Variants in CDH4 observed in about 807,000 individuals in gnomAD.
CDH4 encodes cadherin 4, also known as cadherin-4.
A neutral mutation model predicts 86.0 loss-of-function variants in CDH4; 33 were observed. That is an observed-to-expected ratio of 0.38 (90% CI 0.29 to 0.51). The LOEUF (loss-of-function observed/expected upper bound fraction) is 0.51. Ranked by LOEUF, CDH4 falls within the 20% of genes least tolerant of loss-of-function variation. CDH4 has a pLI of 0.86. For missense variants in CDH4, 1,114 were observed against 1,307.4 expected, an observed-to-expected ratio of 0.85 and a Z score of 2.28; for synonymous variants, 555 against 549.4, an observed-to-expected ratio of 1.01 and a Z score of -0.14.
At chr20:61,725,092 A>G (rs746783712) in intron 2 of CDH4, among the ~76,000 whole-genome samples, 8 of 152,198 alleles carry the variant, frequency 5.3e-5, no homozygotes, top group Non-Finnish European at 1.0e-4. Flanking sequence ...AGCCTGGGCG[A>G]CAGAGTGAGA....
chr20:61,811,095 G>A lies in CDH4; in HGVS notation c.577-33573G>A, dbSNP rs569176863. On this transcript the variant is annotated intron_variant, in intron 4 of 15. Transcript: ENST00000614565. This position sits in a 1 kb window ranked among gnomAD's most constrained non-coding sequence, Gnocchi z 4.4. ...GCCGCGCCACATCCTCAGCAGCCCC[G>A]CCACCGCCTGTCACACCTGCTGCTC... 9.9e-4 allele frequency among the ~76,000 whole-genome samples: 150 copies of A among 152,202 alleles called. No individual in the cohort carries two copies. The highest frequency in any genetic ancestry group is 3.5e-3 in the African/African-American group (146 of 41,540).
chr20:61,559,512 T>A (rs1243675164), intron 2 of CDH4, among the ~76,000 whole-genome samples: 1 of 132,202 alleles, frequency 7.6e-6, no homozygotes, highest in Non-Finnish European at 1.5e-5. Context: ...CTTTTTAATT[T>A]TTTTTTCTTT....
intron 2 of CDH4, among the ~76,000 whole-genome samples, chr20:61,255,886 C>T (rs1017930598): frequency 1.3e-5 from 2 of 152,120 alleles, no homozygotes; most frequent in Non-Finnish European, 2.9e-5. Flanking sequence ...TGTTGACGTG[C>T]CTTGTTGATT....
At chr20:61,841,699 G>GA (rs1555846676) in intron 4 of CDH4, among the ~76,000 whole-genome samples, 1 of 60,554 alleles carries the variant, frequency 1.7e-5, no homozygotes, top group Non-Finnish European at 7.6e-5. Flanking sequence ...GGTGCATTGC[G>GA]GGGGGGAACA....
chr20:61,555,629 A>T (rs1236784403), intron 2 of CDH4, among the ~76,000 whole-genome samples: 1 of 152,220 alleles, frequency 6.6e-6, no homozygotes, highest in Non-Finnish European at 1.5e-5. Flanking sequence ...GATGTGATGA[A>T]TCACAAAATC....
At chr20:61,659,137 A>AACACCCAAG (rs1051810768) in intron 2 of CDH4, among the ~76,000 whole-genome samples, 3 of 152,214 alleles carry the variant, frequency 2.0e-5, no homozygotes, top group African/African-American at 7.2e-5. Flanking sequence ...CAATAACAGC[A>AACACCCAAG]ACACCCAAGA....
intron 3 of CDH4, among the ~76,000 whole-genome samples, chr20:61,759,050 ATG>A (rs1170234285): frequency 6.6e-6 from 1 of 152,070 alleles, no homozygotes. Context: ...CGCACATGGG[ATG>A]TGTGTGCACG....
At chr20:61,483,014 G>A (rs568329442) in intron 2 of CDH4, among the ~76,000 whole-genome samples, 19 of 152,218 alleles carry the variant, frequency 1.2e-4, no homozygotes, top group Non-Finnish European at 2.5e-4. Context: ...CAGATCTGCT[G>A]CTCTTAACTA....
intron 2 of CDH4, among the ~76,000 whole-genome samples, chr20:61,573,034 A>T (rs868796766): frequency 2.2e-4 from 31 of 144,122 alleles, no homozygotes; most frequent in African/African-American, 8.3e-4. Context: ...GGATGGTTGG[A>T]TGGATGGATG....
At chr20:61,675,951 C>T (rs987254660) in intron 2 of CDH4, among the ~76,000 whole-genome samples, 2 of 152,250 alleles carry the variant, frequency 1.3e-5, no homozygotes, top group Non-Finnish European at 2.9e-5. Context: ...TGGAGGCCCA[C>T]TGCACACTCA....
intron 2 of CDH4, among the ~76,000 whole-genome samples, chr20:61,423,687 TC>T (rs2085192892): frequency 8.7e-6 from 1 of 114,402 alleles, no homozygotes; most frequent in South Asian, 2.6e-4. Flanking sequence ...CATTTTTTTT[TC>T]ATTTTGAGAT....
At chr20:61,427,339 T>C (rs569893894) in intron 2 of CDH4, among the ~76,000 whole-genome samples, 1 of 152,230 alleles carries the variant, frequency 6.6e-6, no homozygotes, top group South Asian at 2.1e-4. Context: ...AGATGATGTG[T>C]CTCTTCTCCC....
chr20:61,353,680 C>T (rs1156234572), intron 2 of CDH4, among the ~76,000 whole-genome samples: 12 of 5,030 alleles, frequency 2.4e-3, no homozygotes, highest in Non-Finnish European at 4.6e-3. Context: ...CCCCCTCCTC[C>T]TCCCCCTCCT....
At chr20:61,290,136 T>C (rs879468238) in intron 2 of CDH4, among the ~76,000 whole-genome samples, 1 of 14,588 alleles carries the variant, frequency 6.9e-5, no homozygotes, top group African/African-American at 4.5e-4. Flanking sequence ...CCGTATCCAA[T>C]GAGACTTGCT....
chr20:61,594,270 GA>G (rs1408785162), intron 2 of CDH4, among the ~76,000 whole-genome samples: 1 of 127,838 alleles, frequency 7.8e-6, no homozygotes, highest in African/African-American at 2.9e-5. Context: ...GGGGAAGAGG[GA>G]AGGGGGGCTG....
At chr20:61,771,215 G>A (rs2145983571) in intron 3 of CDH4, among the ~76,000 whole-genome samples, 1 of 151,362 alleles carries the variant, frequency 6.6e-6, no homozygotes, top group Admixed American at 6.6e-5. Context: ...TCACCATGTT[G>A]GCCAGGCTGG....
intron 2 of CDH4, among the ~76,000 whole-genome samples, chr20:61,726,063 G>A (rs1424993559): frequency 6.6e-6 from 1 of 152,004 alleles, no homozygotes; most frequent in Non-Finnish European, 1.5e-5. Context: ...GAGACGACAG[G>A]AGCCAGCCCC....
rs140837649 is a variant in CDH4 at position 61,578,940 on chromosome 20, T to C, written c.170-164623T>C. ...CTTCTTTCTCATCCATTCGGTCTTG[T>C]GGGAAGGAAAGGATGCTTTTCTTTC... On this transcript the variant is annotated intron_variant, in intron 2 of 15. Coordinates refer to ENST00000614565, the MANE Select transcript of CDH4 (RefSeq NM_001794.5). Among the ~76,000 whole-genome samples, 517 of 152,290 alleles carry C rather than the reference T, an allele frequency of 3.4e-3. 6 individuals are homozygous for C. Among genetic ancestry groups the C allele is most frequent in the African/African-American group, 0.012 (488 of 41,564 alleles).
At chr20:61,532,651 GCAC>G (rs1343581890) in intron 2 of CDH4, among the ~76,000 whole-genome samples, 2 of 152,192 alleles carry the variant, frequency 1.3e-5, no homozygotes. Flanking sequence ...GCAAACCAAA[GCAC>G]CACGTTTCTA....
Sources: gnomAD v4.1 joint callset for allele counts (sites outside exome capture counted in the v4.1 genomes callset) on GRCh38, gnomAD v4.1.1 for gene constraint, Gnocchi (gnomAD v3.1) non-coding constraint, MANE v1.5 for transcripts, NCBI Gene and HGNC (gene_info 2026-07-23, HGNC 2026-07-21) for gene names.